ALK: variants seen among roughly 807,000 people sequenced by gnomAD.
ALK encodes the protein ALK tyrosine kinase receptor.
A neutral mutation model predicts 163.1 loss-of-function variants in ALK; 74 were observed. The observed-to-expected ratio is 0.45, with a 90% CI of 0.38 to 0.55. ALK has a LOEUF of 0.55. Among genes scored for constraint, ALK ranks in the 20% least tolerant of loss-of-function variants. ALK has a pLI of 0.00. For missense variants in ALK, 2,063 were observed against 2,105.3 expected (o/e 0.98, Z 0.39); for synonymous variants, 960 against 843.2 (o/e 1.14, Z -2.40).
At chr2:29,342,683 G>A (rs1010097066) in intron 5 of ALK, among the ~76,000 whole-genome samples, 1 of 152,096 alleles carries the variant, frequency 6.6e-6, no homozygotes, top group Non-Finnish European at 1.5e-5. Flanking sequence ...AGTCAGTGTG[G>A]CCTACTGAGA....
intron 4 of ALK, among the ~76,000 whole-genome samples, chr2:29,505,518 G>A (rs914142020): frequency 2.6e-5 from 4 of 152,096 alleles, no homozygotes; most frequent in Non-Finnish European, 5.9e-5. Context: ...CAGGTTCTGG[G>A]GAGCTTAGGG....
At chr2:29,784,155 CT>C (rs1663932749) in intron 1 of ALK, among the ~76,000 whole-genome samples, 1 of 151,938 alleles carries the variant, frequency 6.6e-6, no homozygotes, top group Non-Finnish European at 1.5e-5. Context: ...GGAGATAGAA[CT>C]AAGAAAATGT....
intron 4 of ALK, among the ~76,000 whole-genome samples, chr2:29,392,059 C>T (rs1316246851): frequency 1.3e-5 from 2 of 152,178 alleles, no homozygotes; most frequent in Non-Finnish European, 2.9e-5. Context: ...CTTTTCTCTC[C>T]TAAATCCAGT....
At chr2:29,897,057 T>C (rs1004434976) in intron 1 of ALK, among the ~76,000 whole-genome samples, 1 of 152,192 alleles carries the variant, frequency 6.6e-6, no homozygotes, top group Non-Finnish European at 1.5e-5. Context: ...CGGTGGCTCA[T>C]GCCTGTAATC....
intron 2 of ALK, among the ~76,000 whole-genome samples, chr2:29,715,631 C>T (rs965902642): frequency 1.3e-5 from 2 of 152,190 alleles, no homozygotes; most frequent in Non-Finnish European, 1.5e-5. Flanking sequence ...GGTAGATTTA[C>T]CCCTTGGGGC....
At chr2:29,604,380 G>C (rs1675480561) in intron 3 of ALK, among the ~76,000 whole-genome samples, 1 of 152,000 alleles carries the variant, frequency 6.6e-6, no homozygotes, top group Non-Finnish European at 1.5e-5. Context: ...AGCAGAGAAG[G>C]GCCATGCTGA....
At chr2:29,256,314 G>A (rs1315825896) in intron 11 of ALK, among the ~76,000 whole-genome samples, 2 of 152,152 alleles carry the variant, frequency 1.3e-5, no homozygotes, top group East Asian at 3.9e-4. Context: ...ACTCACAAAA[G>A]GGGTGAAAAC....
intron 5 of ALK, among the ~76,000 whole-genome samples, chr2:29,367,973 C>T (rs930432340): frequency 7.9e-5 from 12 of 152,098 alleles, no homozygotes; most frequent in Admixed American, 3.9e-4. Context: ...TTTCCCGTGC[C>T]GCACCATTTT....
intron 3 of ALK, among the ~76,000 whole-genome samples, chr2:29,598,956 A>G (rs1430510645): frequency 6.6e-6 from 1 of 152,162 alleles, no homozygotes; most frequent in Admixed American, 6.5e-5. Flanking sequence ...TTAAAAGTAC[A>G]TGTAAAAGGA....
At chr2:29,526,669 T>A (rs1018148543) in intron 4 of ALK, among the ~76,000 whole-genome samples, 3 of 152,238 alleles carry the variant, frequency 2.0e-5, no homozygotes, top group African/African-American at 7.2e-5. Flanking sequence ...TCACCTTTTT[T>A]ATTTCTGATC....
At chr2:29,846,799 C>G (rs1032623651) in intron 1 of ALK, among the ~76,000 whole-genome samples, 1 of 152,180 alleles carries the variant, frequency 6.6e-6, no homozygotes, top group Non-Finnish European at 1.5e-5. Context: ...CTATGTGAAG[C>G]CTTTTACATA....
At chr2:29,465,667 C>A (rs1671194129) in intron 4 of ALK, among the ~76,000 whole-genome samples, 1 of 151,840 alleles carries the variant, frequency 6.6e-6, no homozygotes, top group Non-Finnish European at 1.5e-5. Context: ...ACCCTCCAAC[C>A]TGGGCAACAG....
At chr2:29,330,070 C>T (rs920487395) in intron 5 of ALK, among the ~76,000 whole-genome samples, 2 of 152,164 alleles carry the variant, frequency 1.3e-5, no homozygotes, top group African/African-American at 4.8e-5. Context: ...CAGCACACGG[C>T]CACCCAGCAT....
At chr2:29,772,878 C>T (rs1198786256) in intron 1 of ALK, among the ~76,000 whole-genome samples, 1 of 152,190 alleles carries the variant, frequency 6.6e-6, no homozygotes, top group African/African-American at 2.4e-5. Flanking sequence ...ATGATCAAAG[C>T]AGAGGACTGG....
chr2:29,714,309 C>G (rs930315374), intron 2 of ALK, among the ~76,000 whole-genome samples: 147 of 152,184 alleles, frequency 9.7e-4, no homozygotes, highest in African/African-American at 3.4e-3. Flanking sequence ...ATGTCAAAAG[C>G]CACGGAAGAG....
chr2:29,920,439 G>C lies in ALK; in HGVS notation c.221C>G (p.Pro74Arg), dbSNP rs1187464179. The change falls in exon 1 of 29, where the codon CCA (proline) becomes CGA (arginine). Residue 74 changes from proline to arginine, a missense_variant. This residue lies in a region of ALK where 987 missense variants were observed against 939.5 expected (regional missense o/e 1.05). Transcript: ENST00000389048. ...AGCCTTCAGCTCCGAGGAGGATGGT[G>C]GCAGCAGTAGGTCCCGGGCGTAGAC... ...FRVYARDLLL[P>R]PSSSELKAGR... 1.2e-6 allele frequency: 2 copies of C among 1,608,166 alleles called. No individual in the cohort carries two copies. Among genetic ancestry groups the C allele is most frequent in the African/African-American group, 2.7e-5 (2 of 74,822 alleles).
At chr2:29,840,562 T>G (rs943209912) in intron 1 of ALK, among the ~76,000 whole-genome samples, 1 of 152,210 alleles carries the variant, frequency 6.6e-6, no homozygotes, top group Non-Finnish European at 1.5e-5. Context: ...TTCCTTTCCC[T>G]TTGCATCTCA....
intron 2 of ALK, among the ~76,000 whole-genome samples, chr2:29,707,579 TA>T (rs1410675734): frequency 3.3e-5 from 5 of 152,184 alleles, no homozygotes; most frequent in Non-Finnish European, 7.3e-5. Flanking sequence ...GAGGAGGAGA[TA>T]AGGTTATTCT....
intron 3 of ALK, among the ~76,000 whole-genome samples, chr2:29,652,227 A>G (rs1276526835): frequency 6.6e-6 from 1 of 152,094 alleles, no homozygotes; most frequent in South Asian, 2.1e-4. Context: ...AAATTTCTGG[A>G]TTCCTTATCA....
Sources: allele counts gnomAD v4.1 joint callset (sites outside exome capture counted in the v4.1 genomes callset), GRCh38; gene constraint gnomAD v4.1.1; regional missense constraint gnomAD v4.1.1; transcripts MANE v1.5; gene names NCBI Gene and HGNC (gene_info 2026-07-23, HGNC 2026-07-21).